SDK1: variants seen among roughly 807,000 people sequenced by gnomAD.
SDK1 encodes protein sidekick-1.
A neutral mutation model predicts 245.5 loss-of-function variants in SDK1; 157 were observed. The observed-to-expected ratio is 0.64, with a 90% CI of 0.56 to 0.73. SDK1 has a LOEUF of 0.73. Among genes scored for constraint, SDK1 ranks in the 30% least tolerant of loss-of-function variants. SDK1 has a pLI of 0.00. For missense variants in SDK1, 3,583 were observed against 3,002.3 expected, an observed-to-expected ratio of 1.19 and a Z score of -4.52; for synonymous variants, 1,647 against 1,278.5, an observed-to-expected ratio of 1.29 and a Z score of -6.15.
In SDK1 at chr7:4,265,989, A is replaced by G. The variant is rs2128246100; in HGVS notation, c.*605A>G. The G allele has an allele frequency of 1.0e-6, 1 of 985,626 alleles. No homozygotes were observed. The highest frequency in any genetic ancestry group is 1.2e-6 in the Non-Finnish European group (1 of 830,050). The allele number at this position is 985,626 out of a possible 1,614,324, so 61.1% of individuals were successfully genotyped here. ...GTCGGCTTTCAGGTTCCTGACGGCCAGGCAGGGATGCTAAGGTGTGGCTCA... is the reference window on the plus strand; with the variant it reads ...GTCGGCTTTCAGGTTCCTGACGGCCGGGCAGGGATGCTAAGGTGTGGCTCA... On this transcript the variant is annotated 3_prime_UTR_variant, in exon 45 of 45. Transcript: ENST00000404826.
rs1221882116 is a variant in SDK1, at chr7:3,806,365, T to TGTGGATGTCCACATTAGGAC, written c.714-15074_714-15055dup. ...TAGGATGTGGATGTCCACATTAGGA[T>TGTGGATGTCCACATTAGGAC]GTGGATGTCCACATTAGGACGTGGA... is the stretch of plus-strand genomic sequence containing the variant. On this transcript the variant is annotated intron_variant, in intron 4 of 44. Transcript: ENST00000404826. 2.0e-3 allele frequency among the ~76,000 whole-genome samples: 193 copies of TGTGGATGTCCACATTAGGAC among 98,362 alleles called. 1 individual carries two copies. The highest frequency in any genetic ancestry group is 2.4e-3 in the Non-Finnish European group (128 of 53,700). 64.5% of individuals were successfully genotyped at this position (98,362 alleles called of 152,430 possible). A position where few individuals can be genotyped will look rare whatever the true frequency, so the allele number is the denominator to read the frequency against.
chr7:3,962,364 C>G (rs1005134027), intron 8 of SDK1, among the ~76,000 whole-genome samples: 36 of 152,308 alleles, frequency 2.4e-4, no homozygotes, highest in African/African-American at 8.4e-4. Context: ...TGACTCTCAG[C>G]TGGAATCTCC....
chr7:3,858,851 G>A (rs1472754135), intron 5 of SDK1, among the ~76,000 whole-genome samples: 6 of 143,212 alleles, frequency 4.2e-5, no homozygotes, highest in African/African-American at 8.2e-5. Context: ...CTAAAACCTT[G>A]TATTTTTCTT....
At chr7:3,973,905 AGTGCG>A (rs1237711671) in intron 12 of SDK1, among the ~76,000 whole-genome samples, 1 of 152,078 alleles carries the variant, frequency 6.6e-6, no homozygotes. Context: ...TTTTAGGCCA[AGTGCG>A]GTGACTCAGG....
chr7:4,123,415 G>A (rs565949344), intron 25 of SDK1, among the ~76,000 whole-genome samples: 3 of 152,150 alleles, frequency 2.0e-5, no homozygotes, highest in East Asian at 1.9e-4. Flanking sequence ...TGAGCAATGT[G>A]CAAGCCATTT....
At chr7:4,249,588 C>T (rs1193158945) in intron 44 of SDK1, among the ~76,000 whole-genome samples, 1 of 152,196 alleles carries the variant, frequency 6.6e-6, no homozygotes, top group Non-Finnish European at 1.5e-5. Flanking sequence ...ACAGACCCCA[C>T]CAGCTAGCAT....
intron 5 of SDK1, among the ~76,000 whole-genome samples, chr7:3,925,525 G>A (rs1779737030): frequency 6.6e-6 from 1 of 152,186 alleles, no homozygotes. Flanking sequence ...CAGATACAGA[G>A]TGGAGACAGA....
chr7:3,619,493 C>G (rs923535428), intron 2 of SDK1, among the ~76,000 whole-genome samples: 1 of 152,178 alleles, frequency 6.6e-6, no homozygotes, highest in African/African-American at 2.4e-5. Flanking sequence ...TCAACAAAAA[C>G]CTATGGTTAC....
chr7:3,539,100 G>C (rs1301621733), intron 1 of SDK1, among the ~76,000 whole-genome samples: 1 of 152,192 alleles, frequency 6.6e-6, no homozygotes, highest in Non-Finnish European at 1.5e-5. Context: ...AAAGCAGACA[G>C]ATTATATTAG....
intron 4 of SDK1, among the ~76,000 whole-genome samples, chr7:3,668,764 CTGAG>C (rs1426928675): frequency 1.3e-5 from 2 of 152,200 alleles, no homozygotes; most frequent in East Asian, 1.9e-4. Flanking sequence ...GCACTCCAGC[CTGAG>C]TGATAGAGTG....
At chr7:3,329,041 C>T (rs775138665) in intron 1 of SDK1, among the ~76,000 whole-genome samples, 3 of 152,136 alleles carry the variant, frequency 2.0e-5, no homozygotes, top group Non-Finnish European at 4.4e-5. Flanking sequence ...TTCACCGATG[C>T]CGTTTATCCC....
intron 4 of SDK1, among the ~76,000 whole-genome samples, chr7:3,722,377 G>A (rs140759651): frequency 2.6e-5 from 4 of 152,262 alleles, no homozygotes; most frequent in East Asian, 3.9e-4. Flanking sequence ...TATGGCAGCC[G>A]CAAGGAAGGG....
intron 5 of SDK1, among the ~76,000 whole-genome samples, chr7:3,830,348 A>G (rs1271145504): frequency 1.3e-5 from 2 of 152,176 alleles, no homozygotes; most frequent in African/African-American, 2.4e-5. Flanking sequence ...CACATAGCTC[A>G]TTGTTAGTAA....
intron 1 of SDK1, among the ~76,000 whole-genome samples, chr7:3,584,450 A>G (rs1780615800): frequency 6.6e-6 from 1 of 152,122 alleles, no homozygotes; most frequent in Admixed American, 6.5e-5. Context: ...AAAATGCTGC[A>G]AACAGGGTTG....
At chr7:4,218,211 C>T (rs999933232) in intron 38 of SDK1, among the ~76,000 whole-genome samples, 19 of 152,106 alleles carry the variant, frequency 1.2e-4, no homozygotes, top group South Asian at 4.1e-4. Context: ...TAAGACCAGC[C>T]GGGCCAACAT....
At chr7:3,386,368 A>G (rs1781610369) in intron 1 of SDK1, among the ~76,000 whole-genome samples, 3 of 152,206 alleles carry the variant, frequency 2.0e-5, no homozygotes, top group Admixed American at 6.5e-5. Context: ...TGTTGCCTTT[A>G]AAAGAGTTAA....
intron 4 of SDK1, among the ~76,000 whole-genome samples, chr7:3,804,832 A>T (rs1433857434): frequency 1.3e-5 from 2 of 152,088 alleles, no homozygotes; most frequent in Admixed American, 1.3e-4. Flanking sequence ...TTATATTTTA[A>T]TTTTGGCTTT....
intron 8 of SDK1, among the ~76,000 whole-genome samples, chr7:3,961,932 T>C (rs758576546): frequency 7.2e-5 from 11 of 151,818 alleles, no homozygotes; most frequent in Admixed American, 3.9e-4. Context: ...TACACACACA[T>C]ATACACACAC....
intron 1 of SDK1, among the ~76,000 whole-genome samples, chr7:3,446,083 C>T (rs1000281607): frequency 6.6e-6 from 1 of 152,216 alleles, no homozygotes; most frequent in Middle Eastern, 3.4e-3. Context: ...TTGCTCCCTT[C>T]TGGTCCTCTT....
Sources: gnomAD v4.1 joint callset for allele counts (sites outside exome capture counted in the v4.1 genomes callset) on GRCh38, gnomAD v4.1.1 for gene constraint, MANE v1.5 for transcripts, NCBI Gene and HGNC (gene_info 2026-07-23, HGNC 2026-07-21) for gene names.